Variants in ABHD2 observed in about 807,000 individuals in gnomAD.
The protein encoded by ABHD2 is monoacylglycerol lipase ABHD2.
Under a neutral mutation model 48.1 loss-of-function variants are expected in ABHD2, and 20 were observed. The observed-to-expected ratio is 0.42, with a 90% CI of 0.29 to 0.60. The LOEUF (loss-of-function observed/expected upper bound fraction) is 0.60. Ranked by LOEUF, ABHD2 falls within the 20% of genes least tolerant of loss-of-function variation. The pLI is 0.24. For synonymous variants in ABHD2, 209 were observed against 214.2 expected (o/e 0.98, Z 0.21); for missense variants, 405 against 550.9 (o/e 0.74, Z 2.65).
chr15:89,201,059 G>A lies in ABHD2; in HGVS notation c.*5636G>A, dbSNP rs1330281882. ...ATCACGCCTCTGCACTCCAGCCTGG[G>A]CAACAAGAGTGAGACTCCGTCTCCA... On this transcript the variant is annotated 3_prime_UTR_variant, in exon 11 of 11. Coordinates refer to ENST00000352732, the MANE Select transcript of ABHD2 (RefSeq NM_152924.5). The A allele has an allele frequency of 6.5e-6, 5 of 766,510 alleles. No homozygotes were observed. Among genetic ancestry groups the A allele is most frequent in the Non-Finnish European group, 1.1e-5 (5 of 436,038 alleles). The allele number at this position is 766,510 out of a possible 1,614,324, so 47.5% of individuals were successfully genotyped here. A position where few individuals can be genotyped will look rare whatever the true frequency, so the allele number is the denominator to read the frequency against.
chr15:89,192,276 T>C (rs1176330372), intron 9 of ABHD2, among the ~76,000 whole-genome samples: 1 of 152,226 alleles, frequency 6.6e-6, no homozygotes, highest in Non-Finnish European at 1.5e-5. Context: ...ATTGTAGGAA[T>C]GTTGAGCTGT....
chr15:89,136,412 C>A, intron 3 of ABHD2: 1 of 500,442 alleles, frequency 2.0e-6, no homozygotes, highest in Non-Finnish European at 3.9e-6. Flanking sequence ...GATGTTTGTT[C>A]TTATGTGCCT....
chr15:89,076,132 A>C, the ABHD2 span, among the ~76,000 whole-genome samples: 46 of 152,216 alleles, frequency 3.0e-4, no homozygotes, highest in Admixed American at 3.0e-3. Flanking sequence ...AAATTTAAAA[A>C]TATGGAGCCA....
Position 89,195,822 on chromosome 15 carries a change from T to C in ABHD2, c.*399T>C, listed in dbSNP as rs187870077. ...TGTATGTCATTTTGTGGTGGTTGTATGTGTCCTTACATAGACCTTAAAAAG... is the reference window on the plus strand; with the variant it reads ...TGTATGTCATTTTGTGGTGGTTGTACGTGTCCTTACATAGACCTTAAAAAG... On this transcript the variant is annotated 3_prime_UTR_variant, in exon 11 of 11. Transcript: ENST00000352732. The surrounding 1 kb of genome is among the most constrained non-coding windows in gnomAD (Gnocchi z 5.1). 817 of 181,076 alleles carry C rather than the reference T, an allele frequency of 4.5e-3. 4 individuals carry two copies. Among genetic ancestry groups the C allele is most frequent in the Non-Finnish European group, 6.9e-3 (593 of 86,022 alleles). The allele number at this position is 181,076 out of a possible 1,614,324, so 11.2% of individuals were successfully genotyped here. A position where few individuals can be genotyped will look rare whatever the true frequency, so the allele number is the denominator to read the frequency against.
rs752792528 is a variant in ABHD2, at chr15:89,185,414, G to T, written c.723-10G>T. ...ACCGCAGTCACCCTCACTCGCTGTGGTTCTTCCAGGGCCCAGGAAACCTTC... is the reference window on the plus strand; with the variant it reads ...ACCGCAGTCACCCTCACTCGCTGTGTTTCTTCCAGGGCCCAGGAAACCTTC... On this transcript the variant is annotated splice_polypyrimidine_tract_variant and intron_variant, in intron 6 of 10. Transcript: ENST00000352732. This position sits in a 1 kb window ranked among gnomAD's most constrained non-coding sequence, Gnocchi z 5.9. The T allele has an allele frequency of 1.9e-6, 3 of 1,613,720 alleles. No homozygotes were observed. In the South Asian group the frequency reaches 3.3e-5, roughly 18 times the overall value.
chr15:89,071,509 A>C, the ABHD2 span, among the ~76,000 whole-genome samples: 4 of 152,188 alleles, frequency 2.6e-5, no homozygotes, highest in African/African-American at 4.8e-5. Context: ...GGAAAAACGC[A>C]ACCACTTGCA....
chr15:89,122,055 C>T (rs1391040582), intron 3 of ABHD2, among the ~76,000 whole-genome samples: 1 of 152,172 alleles, frequency 6.6e-6, no homozygotes, highest in Admixed American at 6.5e-5. Flanking sequence ...GTCTCAAACT[C>T]CTGGCCTTAA....
At chr15:89,049,682 C>G in the ABHD2 span, among the ~76,000 whole-genome samples, 1 of 152,228 alleles carries the variant, frequency 6.6e-6, no homozygotes, top group Non-Finnish European at 1.5e-5. Context: ...TTTTCTTTGA[C>G]TAGGAAATGG....
At chr15:89,135,952 G>A (rs556777080) in intron 3 of ABHD2, 3 of 434,460 alleles carry the variant, frequency 6.9e-6, no homozygotes, top group Admixed American at 3.3e-5. Context: ...TTGAGATGGA[G>A]TTTCCCTTTT....
In ABHD2 at chr15:89,146,279, A is replaced by C. The variant is rs2050489044; in HGVS notation, c.195-5398A>C. Among the ~76,000 whole-genome samples, 1 of 152,092 alleles carries C rather than the reference A, an allele frequency of 6.6e-6. No individual in the cohort carries two copies. The highest frequency in any genetic ancestry group is 2.1e-4 in the South Asian group (1 of 4,824). On this transcript the variant is annotated intron_variant, in intron 3 of 10. Coordinates refer to ENST00000352732, the MANE Select transcript of ABHD2 (RefSeq NM_152924.5). The surrounding 1 kb of genome is among the most constrained non-coding windows in gnomAD (Gnocchi z 4.2). ...TTTAAGGCAAAGATGAGCATCAGTCAACTTTATTTTTTCAACTCTCTTTTT... is the reference window on the plus strand; with the variant it reads ...TTTAAGGCAAAGATGAGCATCAGTCCACTTTATTTTTTCAACTCTCTTTTT...
At chr15:89,046,332 C>T in the ABHD2 span, among the ~76,000 whole-genome samples, 1 of 152,184 alleles carries the variant, frequency 6.6e-6, no homozygotes, top group African/African-American at 2.4e-5. Flanking sequence ...CATCGATGTT[C>T]ATCAAGGATA....
At chr15:89,169,509 A>G (rs894722265) in intron 5 of ABHD2, among the ~76,000 whole-genome samples, 3 of 152,268 alleles carry the variant, frequency 2.0e-5, no homozygotes, top group African/African-American at 7.2e-5. Flanking sequence ...TTATAATCTA[A>G]TAGAGTCTCA....
At chr15:89,065,656 T>C in the ABHD2 span, among the ~76,000 whole-genome samples, 1 of 152,202 alleles carries the variant, frequency 6.6e-6, no homozygotes, top group Non-Finnish European at 1.5e-5. Context: ...TATAGGCTTT[T>C]CCACAATTTT....
intron 3 of ABHD2, among the ~76,000 whole-genome samples, chr15:89,127,670 T>C (rs2150836622): frequency 6.7e-6 from 1 of 148,352 alleles, no homozygotes; most frequent in East Asian, 1.9e-4. Context: ...GGGATTTGAA[T>C]AAAGGAAGAT....
intron 1 of ABHD2, among the ~76,000 whole-genome samples, chr15:89,108,533 A>G (rs574864267): frequency 6.6e-6 from 1 of 152,310 alleles, no homozygotes; most frequent in East Asian, 1.9e-4. Context: ...ATGGACATGA[A>G]TTTTGTGGGG....
In ABHD2 at chr15:89,173,527, T is replaced by G. The variant is rs892227856; in HGVS notation, c.539-2285T>G. Among the ~76,000 whole-genome samples, 2 of 152,200 alleles carry G rather than the reference T, an allele frequency of 1.3e-5. No individual in the cohort carries two copies. The highest frequency in any genetic ancestry group is 1.9e-4 in the East Asian group (1 of 5,196). On this transcript the variant is annotated intron_variant, in intron 5 of 10. Coordinates refer to ENST00000352732, the MANE Select transcript of ABHD2 (RefSeq NM_152924.5). The surrounding 1 kb of genome is among the most constrained non-coding windows in gnomAD (Gnocchi z 6.5). ...GGCAGAGGTTGTAGTGAGCCAAGATTGTGCCACTGCACTCCAGCCTGGGTG... is the reference window on the plus strand; with the variant it reads ...GGCAGAGGTTGTAGTGAGCCAAGATGGTGCCACTGCACTCCAGCCTGGGTG...
the ABHD2 span, among the ~76,000 whole-genome samples, chr15:89,055,728 C>T: frequency 1.2e-4 from 18 of 152,218 alleles, no homozygotes; most frequent in Middle Eastern, 3.4e-3. Context: ...TAATCCATAG[C>T]ATATTCTATA....
chr15:89,120,478 CTCTT>C lies in ABHD2; in HGVS notation c.194+3963_194+3966del. 6.6e-6 allele frequency among the ~76,000 whole-genome samples: 1 copy of C among 151,918 alleles called. No homozygotes were observed. Among genetic ancestry groups the C allele is most frequent in the South Asian group, 2.1e-4 (1 of 4,816 alleles). On this transcript the variant is annotated intron_variant, in intron 3 of 10. Coordinates refer to ENST00000352732, the MANE Select transcript of ABHD2 (RefSeq NM_152924.5). The surrounding 1 kb of genome is among the most constrained non-coding windows in gnomAD (Gnocchi z 4.2). Reference sequence around the variant, plus strand: ...CAAAAATTATCTATAAATGTTATAGCTCTTTCTTTTTTCTTTTTTGAGACAGAGT... The same window carrying C: ...CAAAAATTATCTATAAATGTTATAGCTCTTTTTTCTTTTTTGAGACAGAGT...
At chr15:89,098,747 TC>T (rs1322955374) in intron 1 of ABHD2, among the ~76,000 whole-genome samples, 1 of 152,230 alleles carries the variant, frequency 6.6e-6, no homozygotes. Context: ...ATAGTTCCTT[TC>T]CCTCCATCTA....
Sources: gnomAD v4.1 joint callset for allele counts (sites outside exome capture counted in the v4.1 genomes callset) on GRCh38, gnomAD v4.1.1 for gene constraint, Gnocchi (gnomAD v3.1) non-coding constraint, MANE v1.5 for transcripts, NCBI Gene and HGNC (gene_info 2026-07-23, HGNC 2026-07-21) for gene names.